The following SNX29 variants were observed in gnomAD, a reference collection of about 807,000 sequenced individuals.
SNX29 encodes the protein sorting nexin-29.
SNX29 carries 78 observed loss-of-function variants against 102.1 expected under a neutral mutation model. The ratio of observed to expected loss-of-function variants is 0.76; its 90% CI spans 0.64 to 0.92. The LOEUF is 0.92. Ranked by LOEUF, SNX29 falls within the 40% of genes least tolerant of loss-of-function variation. The pLI is 0.00. For missense variants in SNX29, 1,280 were observed against 1,061.7 expected, an observed-to-expected ratio of 1.21 and a Z score of -2.86; for synonymous variants, 580 against 414.5, an observed-to-expected ratio of 1.40 and a Z score of -4.85.
chr16:12,450,773 T>G (rs925496691), intron 18 of SNX29, among the ~76,000 whole-genome samples: 1 of 152,180 alleles, frequency 6.6e-6, no homozygotes, highest in African/African-American at 2.4e-5. Context: ...ATTGGAGCTT[T>G]AGGCCAATCA....
intron 19 of SNX29, among the ~76,000 whole-genome samples, chr16:12,517,871 G>A (rs1186330824): frequency 2.6e-5 from 4 of 152,124 alleles, no homozygotes; most frequent in Admixed American, 6.5e-5. Context: ...GCACAGGAGC[G>A]AAGACCAAAA....
In SNX29 at chr16:12,571,140, T is replaced by A. The variant is rs909639102; in HGVS notation, c.*2511T>A. 8.6e-6 allele frequency: 2 copies of A among 232,644 alleles called. No individual in the cohort carries two copies. The highest frequency in any genetic ancestry group is 1.2e-4 in the East Asian group (2 of 16,512). 14.4% of individuals were successfully genotyped at this position (232,644 alleles called of 1,614,324 possible). A position where few individuals can be genotyped will look rare whatever the true frequency, so the allele number is the denominator to read the frequency against. On this transcript the variant is annotated 3_prime_UTR_variant, in exon 21 of 21. Transcript: ENST00000566228. ...GAATGTTCTGCAATGATTGGGTCCA[T>A]CTTGCTGCTCAGAAGAATCCCGTCC... is the stretch of plus-strand genomic sequence containing the variant.
intron 19 of SNX29, among the ~76,000 whole-genome samples, chr16:12,497,156 A>G (rs542247500): frequency 1.3e-5 from 2 of 152,216 alleles, no homozygotes; most frequent in African/African-American, 2.4e-5. Context: ...TCTGGGGAGG[A>G]CAGCCACCTG....
In SNX29 at chr16:12,087,519, C is replaced by T. The variant is rs965731770; in HGVS notation, c.1402+8604C>T. On this transcript the variant is annotated intron_variant, in intron 11 of 20. Coordinates refer to ENST00000566228, the MANE Select transcript of SNX29 (RefSeq NM_032167.5). ...GAATGAGGCAGGAGGATTGCTTGAG[C>T]CCAGGAGTTCGAGGCTGCATTGAGC... The T allele has an allele frequency of 2.4e-5, 6 of 252,018 alleles. No individual in the cohort carries two copies. In the Admixed American group the frequency reaches 3.0e-4, roughly 13 times the overall value. 15.6% of individuals were successfully genotyped at this position (252,018 alleles called of 1,614,324 possible). A position where few individuals can be genotyped will look rare whatever the true frequency, so the allele number is the denominator to read the frequency against.
At chr16:12,137,028 C>T (rs1012667418) in intron 13 of SNX29, among the ~76,000 whole-genome samples, 8 of 152,160 alleles carry the variant, frequency 5.3e-5, no homozygotes, top group African/African-American at 7.2e-5. Context: ...GCGTGAGCCA[C>T]GGTGCCCAGC....
At chr16:12,076,066 T>A (rs1041639856) in intron 10 of SNX29, among the ~76,000 whole-genome samples, 14 of 152,190 alleles carry the variant, frequency 9.2e-5, no homozygotes, top group Non-Finnish European at 1.0e-4. Flanking sequence ...AGGTGCCGTC[T>A]GTCACCCCTT....
chr16:12,328,125 G>A (rs568435704), intron 15 of SNX29, among the ~76,000 whole-genome samples: 1 of 152,288 alleles, frequency 6.6e-6, no homozygotes, highest in African/African-American at 2.4e-5. Flanking sequence ...CCTTGTAGTC[G>A]TGGGAAGATT....
chr16:12,356,436 G>C (rs1477659052), intron 16 of SNX29, among the ~76,000 whole-genome samples, 157 bp downstream of exon 16: 1 of 152,174 alleles, frequency 6.6e-6, no homozygotes, highest in African/African-American at 2.4e-5. Context: ...TTTATGGGGA[G>C]GGGGTAGAAT....
intron 20 of SNX29, among the ~76,000 whole-genome samples, chr16:12,562,258 C>T (rs1180633288): frequency 6.6e-6 from 1 of 152,172 alleles, no homozygotes; most frequent in Admixed American, 6.5e-5. Flanking sequence ...ATTCACTAAG[C>T]AGCATCCCCA....
At chr16:12,152,147 C>T (rs59506769) in intron 13 of SNX29, among the ~76,000 whole-genome samples, 1 of 151,710 alleles carries the variant, frequency 6.6e-6, no homozygotes, top group East Asian at 1.9e-4. Context: ...CTTGGGCCCG[C>T]GAGGTGAAGG....
At chr16:12,240,675 CA>C (rs2078078046) in intron 14 of SNX29, among the ~76,000 whole-genome samples, 1 of 133,030 alleles carries the variant, frequency 7.5e-6, no homozygotes, top group African/African-American at 2.9e-5. Context: ...CAGCTTACTG[CA>C]ACCTCTGCCT....
rs10633753 is a variant in SNX29 at position 12,568,303 on chromosome 16, T to TA, written c.2319-203_2319-202insA. Among the ~76,000 whole-genome samples, 295 of 80,716 alleles carry TA rather than the reference T, an allele frequency of 3.7e-3. 2 individuals are homozygous for TA. The highest frequency in any genetic ancestry group is 0.011 in the African/African-American group (276 of 25,568). 53.0% of individuals were successfully genotyped at this position (80,716 alleles called of 152,430 possible). A position where few individuals can be genotyped will look rare whatever the true frequency, so the allele number is the denominator to read the frequency against. On this transcript the variant is annotated intron_variant, in intron 20 of 20. Transcript: ENST00000566228. ...GCTTGGTTGGAGCCTCGGAGTGCTG[T>TA]TAAAAAAAAAAAAATGGAAAGGTTT... is the stretch of plus-strand genomic sequence containing the variant.
intron 18 of SNX29, among the ~76,000 whole-genome samples, chr16:12,424,730 T>A (rs974243635): frequency 2.0e-5 from 3 of 152,202 alleles, no homozygotes; most frequent in African/African-American, 7.2e-5. Flanking sequence ...GGGGGATACC[T>A]GTAACAGACA....
intron 14 of SNX29, among the ~76,000 whole-genome samples, chr16:12,243,960 A>G (rs1401447653): frequency 1.3e-5 from 2 of 152,242 alleles, no homozygotes; most frequent in Non-Finnish European, 2.9e-5. Flanking sequence ...GTTCTCACCA[A>G]TAAAATTACT....
intron 20 of SNX29, 84 bp from the exon 21 acceptor site, chr16:12,568,422 C>A (rs910936804): frequency 1.3e-6 from 2 of 1,563,852 alleles, no homozygotes; most frequent in African/African-American, 1.3e-5. Flanking sequence ...TCCCTCCTGC[C>A]CTCACACCTG....
At chr16:12,503,889 G>T (rs993566689) in intron 19 of SNX29, among the ~76,000 whole-genome samples, 2 of 152,116 alleles carry the variant, frequency 1.3e-5, no homozygotes, top group Non-Finnish European at 2.9e-5. Flanking sequence ...TTTAAAAAAA[G>T]TTTTATTAAG....
chr16:11,985,457 C>T (rs1017999400), intron 1 of SNX29, among the ~76,000 whole-genome samples: 1 of 152,200 alleles, frequency 6.6e-6, no homozygotes, highest in Non-Finnish European at 1.5e-5. Flanking sequence ...ATAGGGCTGG[C>T]TTCAAGCTTA....
chr16:12,384,892 C>T (rs879594002), intron 16 of SNX29, among the ~76,000 whole-genome samples: 8 of 152,118 alleles, frequency 5.3e-5, no homozygotes, highest in South Asian at 2.1e-4. Context: ...CTGTGGAGGC[C>T]GGGCATGGTG....
chr16:12,305,001 A>G (rs923608791), intron 15 of SNX29, among the ~76,000 whole-genome samples: 6 of 152,250 alleles, frequency 3.9e-5, no homozygotes, highest in Non-Finnish European at 7.3e-5. Flanking sequence ...AACTGAACAT[A>G]ATTTGATCTT....
Sources: allele counts gnomAD v4.1 joint callset (sites outside exome capture counted in the v4.1 genomes callset), GRCh38; gene constraint gnomAD v4.1.1; transcripts MANE v1.5; gene names NCBI Gene and HGNC (gene_info 2026-07-23, HGNC 2026-07-21).